Variants in ZFPM2 observed in about 807,000 individuals in gnomAD.
ZFPM2 encodes zinc finger protein ZFPM2.
A neutral mutation model predicts 98.6 loss-of-function variants in ZFPM2; 20 were observed. The ratio of observed to expected loss-of-function variants is 0.20; its 90% CI spans 0.14 to 0.29. The LOEUF (loss-of-function observed/expected upper bound fraction) is 0.29, where lower values mean the gene tolerates loss of function less well. Among genes scored for constraint, ZFPM2 ranks in the 10% least tolerant of loss-of-function variants. The pLI is 1.00. For missense variants in ZFPM2, 1,310 were observed against 1,388.6 expected (o/e 0.94, Z 0.90); for synonymous variants, 518 against 502.7 (o/e 1.03, Z -0.41).
chr8:105,355,763 T>C (rs1000409416), intron 1 of ZFPM2, among the ~76,000 whole-genome samples: 3 of 152,234 alleles, frequency 2.0e-5, no homozygotes, highest in African/African-American at 7.2e-5. Flanking sequence ...ACCAACATAG[T>C]TTAGGTGATT....
chr8:105,741,885 A>G (rs1563544982), intron 5 of ZFPM2, among the ~76,000 whole-genome samples: 1 of 152,072 alleles, frequency 6.6e-6, no homozygotes, highest in Non-Finnish European at 1.5e-5. Flanking sequence ...AAAATGAAGG[A>G]AGAAGGGGTG....
At chr8:105,364,151 T>C (rs539079866) in intron 1 of ZFPM2, among the ~76,000 whole-genome samples, 1 of 152,160 alleles carries the variant, frequency 6.6e-6, no homozygotes, top group Non-Finnish European at 1.5e-5. Context: ...TTGGGGAGAC[T>C]TAAAATGCAT....
intron 7 of ZFPM2, 107 bp from the exon 8 acceptor site, chr8:105,800,940 A>T: frequency 9.3e-7 from 1 of 1,075,394 alleles, no homozygotes. Flanking sequence ...ATTTTGAAAG[A>T]TTTCATTCCT....
At chr8:105,734,860 G>A (rs1185426637) in intron 5 of ZFPM2, among the ~76,000 whole-genome samples, 4 of 148,984 alleles carry the variant, frequency 2.7e-5, no homozygotes, top group Non-Finnish European at 5.9e-5. Flanking sequence ...GTCTTAGAAT[G>A]CCCCTTTCCC....
At chr8:105,350,714 T>C (rs1174843672) in intron 1 of ZFPM2, among the ~76,000 whole-genome samples, 2 of 152,176 alleles carry the variant, frequency 1.3e-5, no homozygotes, top group African/African-American at 4.8e-5. Context: ...TACTTATTCA[T>C]TGGTTCTTCT....
intron 1 of ZFPM2, among the ~76,000 whole-genome samples, chr8:105,408,501 T>A (rs1238612806): frequency 6.6e-6 from 1 of 151,884 alleles, no homozygotes; most frequent in Non-Finnish European, 1.5e-5. Flanking sequence ...CCCTTCGTCT[T>A]GTTAGGGTTT....
intron 1 of ZFPM2, among the ~76,000 whole-genome samples, chr8:105,391,666 C>CT (rs1811112212): frequency 6.6e-6 from 1 of 152,304 alleles, no homozygotes; most frequent in Admixed American, 6.5e-5. Flanking sequence ...CTAGCAACTA[C>CT]TTTTTTGTGC....
At chr8:105,358,798 T>C (rs1338131684) in intron 1 of ZFPM2, among the ~76,000 whole-genome samples, 2 of 151,872 alleles carry the variant, frequency 1.3e-5, no homozygotes, top group African/African-American at 2.4e-5. Context: ...CTACTAAAAA[T>C]ACAAAAATTA....
At chr8:105,612,366 A>G (rs1302287917) in intron 4 of ZFPM2, among the ~76,000 whole-genome samples, 1 of 151,074 alleles carries the variant, frequency 6.6e-6, no homozygotes, top group East Asian at 1.9e-4. Context: ...TTAAAATGAA[A>G]ACGTCCAATT....
intron 5 of ZFPM2, among the ~76,000 whole-genome samples, chr8:105,642,134 A>G (rs931116800): frequency 5.3e-5 from 8 of 152,120 alleles, no homozygotes; most frequent in African/African-American, 1.9e-4. Flanking sequence ...AATGAGGGAC[A>G]ACTCTTTAGG....
chr8:105,556,582 T>C (rs917553998), intron 3 of ZFPM2, among the ~76,000 whole-genome samples: 1 of 152,104 alleles, frequency 6.6e-6, no homozygotes, highest in African/African-American at 2.4e-5. Flanking sequence ...CATTCCAGCG[T>C]GTATCCCGGT....
chr8:105,385,430 G>A (rs1228025248), intron 1 of ZFPM2, among the ~76,000 whole-genome samples: 2 of 152,030 alleles, frequency 1.3e-5, no homozygotes, highest in African/African-American at 4.8e-5. Flanking sequence ...GTTTTCATTG[G>A]CTGGTATGTA....
intron 4 of ZFPM2, among the ~76,000 whole-genome samples, chr8:105,591,720 T>A (rs1563733782): frequency 6.6e-6 from 1 of 152,160 alleles, no homozygotes; most frequent in African/African-American, 2.4e-5. Flanking sequence ...AAATACCCAG[T>A]AATATCATCA....
At chr8:105,463,579 C>T (rs560904227) in intron 3 of ZFPM2, among the ~76,000 whole-genome samples, 1 of 152,068 alleles carries the variant, frequency 6.6e-6, no homozygotes, top group Non-Finnish European at 1.5e-5. Flanking sequence ...ATTCATTTAT[C>T]TCTAAACAAA....
intron 5 of ZFPM2, among the ~76,000 whole-genome samples, chr8:105,755,911 T>C (rs1812586299): frequency 6.6e-6 from 1 of 152,190 alleles, no homozygotes; most frequent in East Asian, 1.9e-4. Flanking sequence ...TTAAACATGA[T>C]ATGGCTATCT....
intron 1 of ZFPM2, among the ~76,000 whole-genome samples, chr8:105,403,158 A>G (rs1417734169): frequency 6.6e-6 from 1 of 152,028 alleles, no homozygotes; most frequent in Non-Finnish European, 1.5e-5. Flanking sequence ...AATCTCAAAT[A>G]TGGGGGCTTT....
At chr8:105,637,695 A>G (rs185004587) in intron 5 of ZFPM2, among the ~76,000 whole-genome samples, 1 of 152,074 alleles carries the variant, frequency 6.6e-6, no homozygotes, top group Non-Finnish European at 1.5e-5. Context: ...GATTGTTTGG[A>G]TCATGGAAAA....
At chr8:105,661,865 TTGAG>T (rs1270207043) in intron 5 of ZFPM2, among the ~76,000 whole-genome samples, 11 of 152,178 alleles carry the variant, frequency 7.2e-5, no homozygotes, top group Non-Finnish European at 5.9e-5. Context: ...ACACGTTTAA[TTGAG>T]TTTTACACAA....
chr8:105,793,635 C>T (rs2131151934), intron 6 of ZFPM2, among the ~76,000 whole-genome samples: 1 of 152,210 alleles, frequency 6.6e-6, no homozygotes, highest in East Asian at 1.9e-4. Context: ...GTTGGCCTGC[C>T]TTGCTAGATT....
Sources: allele counts gnomAD v4.1 joint callset (sites outside exome capture counted in the v4.1 genomes callset), GRCh38; gene constraint gnomAD v4.1.1; transcripts MANE v1.5; gene names NCBI Gene and HGNC (gene_info 2026-07-23, HGNC 2026-07-21).